The following ERC2 variants were observed in gnomAD, a reference collection of about 807,000 sequenced individuals.
ERC2 encodes the protein ELKS/RAB6-interacting/CAST family member 2.
Under a neutral mutation model 114.8 loss-of-function variants are expected in ERC2, and 42 were observed. The observed-to-expected ratio is 0.37, with a 90% confidence interval of 0.29 to 0.47. The LOEUF (loss-of-function observed/expected upper bound fraction) is 0.47, where lower values mean the gene tolerates loss of function less well. ERC2 is among the 20% of genes least tolerant of loss of function. The pLI is 0.99. For synonymous variants in ERC2, 454 were observed against 425.5 expected, an observed-to-expected ratio of 1.07 and a Z score of -0.82; for missense variants, 939 against 1,150.7, an observed-to-expected ratio of 0.82 and a Z score of 2.66.
intron 3 of ERC2, among the ~76,000 whole-genome samples, chr3:56,273,104 T>TG (rs1364715622): frequency 2.0e-5 from 3 of 152,176 alleles, no homozygotes; most frequent in Non-Finnish European, 4.4e-5. Flanking sequence ...ACCTCTGCTA[T>TG]TTAAATGATT....
At chr3:56,246,642 G>A (rs2051731924) in intron 3 of ERC2, among the ~76,000 whole-genome samples, 1 of 152,024 alleles carries the variant, frequency 6.6e-6, no homozygotes, top group Non-Finnish European at 1.5e-5. Flanking sequence ...CTGCTAAGTG[G>A]CAGAATGATG....
intron 8 of ERC2, among the ~76,000 whole-genome samples, chr3:56,016,134 AATT>A (rs1553774622): frequency 6.6e-6 from 1 of 152,082 alleles, no homozygotes; most frequent in Non-Finnish European, 1.5e-5. Flanking sequence ...AGATTGCAAA[AATT>A]TTCTCCCATT....
chr3:55,653,688 C>G (rs368511852), intron 17 of ERC2, among the ~76,000 whole-genome samples: 2 of 152,068 alleles, frequency 1.3e-5, no homozygotes, highest in South Asian at 2.1e-4. Context: ...TCACTTTTCA[C>G]TATATGCATC....
intron 14 of ERC2, among the ~76,000 whole-genome samples, chr3:55,753,763 T>C (rs926653906): frequency 1.3e-5 from 2 of 152,238 alleles, no homozygotes; most frequent in Non-Finnish European, 2.9e-5. Flanking sequence ...AATAATCCAT[T>C]GGCAAGAAAG....
At chr3:56,135,624 C>T (rs751124276) in intron 6 of ERC2, among the ~76,000 whole-genome samples, 1 of 152,226 alleles carries the variant, frequency 6.6e-6, no homozygotes, top group Non-Finnish European at 1.5e-5. Flanking sequence ...ATTTCATAGA[C>T]TGTGACATGA....
intron 7 of ERC2, among the ~76,000 whole-genome samples, chr3:56,022,208 G>T (rs553593038): frequency 2.7e-4 from 41 of 152,308 alleles, no homozygotes; most frequent in Non-Finnish European, 4.4e-4. Context: ...ATGTAAAATA[G>T]TATGGCATTA....
At chr3:55,892,653 C>A (rs913779553) in intron 13 of ERC2, among the ~76,000 whole-genome samples, 1 of 151,990 alleles carries the variant, frequency 6.6e-6, no homozygotes, top group Non-Finnish European at 1.5e-5. Context: ...CAAGTCCCAC[C>A]ACCTAGAAGT....
intron 3 of ERC2, among the ~76,000 whole-genome samples, chr3:56,292,364 G>A (rs114051919): frequency 6.6e-6 from 1 of 150,472 alleles, no homozygotes; most frequent in African/African-American, 2.4e-5. Flanking sequence ...CAGGCAGATC[G>A]CTTGAGCTCA....
chr3:55,548,868 T>C (rs905996323), intron 17 of ERC2, among the ~76,000 whole-genome samples: 2 of 152,152 alleles, frequency 1.3e-5, no homozygotes, highest in African/African-American at 4.8e-5. Context: ...CACCTCTCCC[T>C]CCAGCCAATG....
At chr3:55,902,876 G>C (rs2064216876) in intron 13 of ERC2, among the ~76,000 whole-genome samples, 1 of 152,184 alleles carries the variant, frequency 6.6e-6, no homozygotes, top group African/African-American at 2.4e-5. Context: ...GCGGAGAGTG[G>C]GCGGATGGCA....
intron 17 of ERC2, among the ~76,000 whole-genome samples, chr3:55,547,800 A>T (rs550881908): frequency 6.6e-6 from 1 of 152,354 alleles, no homozygotes; most frequent in Admixed American, 6.5e-5. Flanking sequence ...TTTTGCTACT[A>T]AAAGCGTTTT....
intron 13 of ERC2, among the ~76,000 whole-genome samples, chr3:55,942,303 T>G (rs2066855590): frequency 7.3e-6 from 1 of 136,760 alleles, no homozygotes; most frequent in South Asian, 2.4e-4. Context: ...TTTTTTTTTT[T>G]GTTGAGACGG....
At chr3:55,707,073 C>T (rs916118327) in intron 15 of ERC2, among the ~76,000 whole-genome samples, 9 of 152,188 alleles carry the variant, frequency 5.9e-5, no homozygotes, top group Middle Eastern at 3.2e-3. Context: ...GCTCCTATTG[C>T]ATATTTTGTG....
chr3:56,139,974 T>C (rs76090611), intron 5 of ERC2, among the ~76,000 whole-genome samples: 7,857 of 152,136 alleles, frequency 0.052, 419 homozygotes, highest in Admixed American at 0.17. Context: ...CCAAACCTAC[T>C]CATCTGTGAA....
At chr3:56,043,123 A>G (rs1187838083) in intron 7 of ERC2, among the ~76,000 whole-genome samples, 4 of 152,186 alleles carry the variant, frequency 2.6e-5, no homozygotes, top group African/African-American at 9.6e-5. Flanking sequence ...AAAACTCCTA[A>G]TATAGTGTAA....
chr3:55,869,987 G>A (rs951654426), intron 14 of ERC2, among the ~76,000 whole-genome samples: 6 of 152,092 alleles, frequency 3.9e-5, no homozygotes, highest in African/African-American at 7.2e-5. Context: ...GTGAAAAACC[G>A]AATACATCAG....
At chr3:56,399,762 C>T (rs1264025834) in intron 2 of ERC2, among the ~76,000 whole-genome samples, 1 of 142,472 alleles carries the variant, frequency 7.0e-6, no homozygotes. Flanking sequence ...CAAACCTCTC[C>T]CATGAAAAAA....
intron 3 of ERC2, among the ~76,000 whole-genome samples, chr3:56,216,217 A>T (rs2049460426): frequency 1.3e-5 from 2 of 152,204 alleles, no homozygotes; most frequent in South Asian, 4.1e-4. Context: ...TGACTTTTTG[A>T]AAAGATCAAC....
At chr3:56,381,154 T>C (rs1490028025) in intron 2 of ERC2, among the ~76,000 whole-genome samples, 1 of 152,226 alleles carries the variant, frequency 6.6e-6, no homozygotes, top group African/African-American at 2.4e-5. Context: ...ATATTGGTCA[T>C]GAGGAAGTCT....
Sources: allele counts gnomAD v4.1 joint callset (sites outside exome capture counted in the v4.1 genomes callset), GRCh38; gene constraint gnomAD v4.1.1; transcripts MANE v1.5; gene names NCBI Gene and HGNC (gene_info 2026-07-23, HGNC 2026-07-21).